ELAPOR1: variants seen among roughly 807,000 people sequenced by gnomAD.
ELAPOR1 encodes endosome/lysosome-associated apoptosis and autophagy regulator 1.
In ELAPOR1, 77 loss-of-function variants were observed where a neutral mutation model predicts 119.7. That is an observed-to-expected ratio of 0.64 (90% CI 0.54 to 0.78). The LOEUF is 0.78. Among genes scored for constraint, ELAPOR1 ranks in the 30% least tolerant of loss-of-function variants. The pLI is 0.00. For synonymous variants in ELAPOR1, 481 were observed against 487.2 expected, an observed-to-expected ratio of 0.99 and a Z score of 0.17; for missense variants, 1,115 against 1,270.4, an observed-to-expected ratio of 0.88 and a Z score of 1.86.
In ELAPOR1 at chr1:109,185,062, T is replaced by G; in HGVS notation, c.970T>G (p.Cys324Gly). 1.2e-6 allele frequency: 2 copies of G among 1,614,074 alleles called. No individual in the cohort carries two copies. Among genetic ancestry groups the G allele is most frequent in the Non-Finnish European group, 1.7e-6 (2 of 1,179,910 alleles). ...DKYSEKGSSS[C>G]NVRPACTDKD... is the part of the protein sequence containing the mutation. ...CAATTTAGAGAAAGGATCTTCTTCC[T>G]GTAACGTGCGCCCAGCTTGCACAGA... Residue 324 changes from cysteine (C) to glycine (G), a missense_variant, in exon 8 of 22, where the codon TGT becomes GGT. Physicochemically the swap from Cys to Gly is radical, Grantham distance 159. Transcript: ENST00000369939.
Position 109,198,791 on chromosome 1 carries a change from G to A in ELAPOR1, c.2501+117G>A, listed in dbSNP as rs545183500. 7.5e-6 allele frequency: 6 copies of A among 801,660 alleles called. No individual in the cohort carries two copies. The African/African-American group carries it at 8.6e-5, about 11-fold the overall frequency. 49.7% of individuals were successfully genotyped at this position (801,660 alleles called of 1,614,324 possible). A position where few individuals can be genotyped will look rare whatever the true frequency, so the allele number is the denominator to read the frequency against. ...AGAAAAGAGTTTGAGATCCATTAAT[G>A]GGTGCTTAGGGGCACAGTCATGGCC... On this transcript the variant is annotated intron_variant, in intron 18 of 21. Transcript: ENST00000369939.
intron 3 of ELAPOR1, among the ~76,000 whole-genome samples, chr1:109,166,041 G>A (rs941762400): frequency 5.3e-5 from 8 of 151,418 alleles, no homozygotes; most frequent in African/African-American, 1.7e-4. Flanking sequence ...TCAGCCTCCC[G>A]AGTAGCTGGG....
intron 21 of ELAPOR1, 38 bp downstream of exon 21, chr1:109,200,938 G>A: frequency 1.3e-6 from 2 of 1,593,488 alleles, no homozygotes; most frequent in Non-Finnish European, 1.7e-6. Flanking sequence ...TCAGCCTGGA[G>A]GGCTGGAGGA....
chr1:109,141,791 A>C (rs1420099191), intron 1 of ELAPOR1, among the ~76,000 whole-genome samples: 2 of 151,304 alleles, frequency 1.3e-5, no homozygotes, highest in East Asian at 1.9e-4. Context: ...TCAGCCTCCC[A>C]AGTAGCTGGG....
At chr1:109,182,082 A>G (rs1652734526) in intron 7 of ELAPOR1, among the ~76,000 whole-genome samples, 1 of 152,198 alleles carries the variant, frequency 6.6e-6, no homozygotes, top group Non-Finnish European at 1.5e-5. Flanking sequence ...CCATAATCCT[A>G]GCACTTTGGG....
At chr1:109,119,706 T>G (rs969775396) in intron 1 of ELAPOR1, among the ~76,000 whole-genome samples, 1 of 152,222 alleles carries the variant, frequency 6.6e-6, no homozygotes, top group Non-Finnish European at 1.5e-5. Context: ...TTCCACGATT[T>G]AAAAATTAGT....
At chr1:109,117,720 T>C (rs1648106898) in intron 1 of ELAPOR1, among the ~76,000 whole-genome samples, 1 of 152,188 alleles carries the variant, frequency 6.6e-6, no homozygotes, top group African/African-American at 2.4e-5. Context: ...TAATAAACGT[T>C]GGTAGGAAGA....
At position 109,171,896 on chromosome 1, in the gene ELAPOR1, C is replaced by T. The variant is rs766376821; in HGVS notation, c.498C>T (p.Ile166=). The T allele has an allele frequency of 9.9e-6, 16 of 1,614,234 alleles. No individual in the cohort carries two copies. Among genetic ancestry groups the T allele is most frequent in the South Asian group, 9.9e-5 (9 of 91,090 alleles). ...AGTGGGTTCCCCGGGGCGACTACAT[C>T]GCCTCCAACACGGACGAATGCACAG... ...SSKWVPRGDY[I]ASNTDECTAT... The change falls in exon 4 of 22, where the codon ATC becomes ATT. Residue 166 remains isoleucine (I), a synonymous_variant. Coordinates refer to ENST00000369939, the MANE Select transcript of ELAPOR1 (RefSeq NM_020775.5).
At chr1:109,174,986 A>T (rs1268140822) in intron 7 of ELAPOR1, among the ~76,000 whole-genome samples, 1 of 151,642 alleles carries the variant, frequency 6.6e-6, no homozygotes, top group Non-Finnish European at 1.5e-5. Flanking sequence ...AAGTGCTGGG[A>T]TTATAGGCAT....
chr1:109,178,011 C>CTTTTTT (rs61317397), intron 7 of ELAPOR1, among the ~76,000 whole-genome samples: 2 of 135,740 alleles, frequency 1.5e-5, no homozygotes, highest in African/African-American at 2.8e-5. Context: ...TTTTTTCTTT[C>CTTTTTT]TTTTTTTTTT....
In ELAPOR1 at chr1:109,189,711, A is replaced by T. The variant is rs763532699; in HGVS notation, c.1439+29A>T. The T allele has an allele frequency of 2.5e-6, 4 of 1,578,240 alleles. No homozygotes were observed. In the South Asian group the frequency reaches 4.4e-5, roughly 17 times the overall value. Reference sequence around the variant, plus strand: ...AGGAATCCAAAGCCCAGGGGAGTCCAGGCCAGCTTGGCCATATCCGAATCC... The same window carrying T: ...AGGAATCCAAAGCCCAGGGGAGTCCTGGCCAGCTTGGCCATATCCGAATCC... On this transcript the variant is annotated intron_variant, in intron 11 of 21. Transcript: ENST00000369939.
chr1:109,144,061 A>ATATATTTTTTTTTTTTTTTTTTT, intron 1 of ELAPOR1, among the ~76,000 whole-genome samples: 6 of 88,984 alleles, frequency 6.7e-5, no homozygotes, highest in African/African-American at 2.4e-4. Flanking sequence ...ATATTTATAT[A>ATATATTTTTTTTTTTTTTTTTTT]TTTTTTTTTT....
chr1:109,161,287 G>A (rs1196632901), intron 1 of ELAPOR1, among the ~76,000 whole-genome samples: 4 of 151,946 alleles, frequency 2.6e-5, no homozygotes, highest in Non-Finnish European at 4.4e-5. Context: ...GCACTCGCCT[G>A]TAGTCCCAGC....
chr1:109,192,791 C>A lies in ELAPOR1; in HGVS notation c.1864C>A (p.Pro622Thr). ...DRDSGTCHSC[P>T]TNTILKAHQP... ...AGATTCAGGAACCTGCCACTCCTGC[C>A]CCACTAACACAATTCTGAAAGCCCA... The change falls in exon 14 of 22, where the codon CCC (proline) becomes ACC (threonine). Residue 622 changes from proline (P) to threonine (T), a missense_variant. Pro to Thr is a conservative substitution (Grantham distance 38). Transcript: ENST00000369939. 1 of 1,614,066 alleles carries A rather than the reference C, an allele frequency of 6.2e-7. No homozygotes were observed. The highest frequency in any genetic ancestry group is 1.3e-5 in the African/African-American group (1 of 75,012).
chr1:109,154,281 CAAAAA>C lies in ELAPOR1; in HGVS notation c.154-7595_154-7591del, dbSNP rs745938875. On this transcript the variant is annotated intron_variant, in intron 1 of 21. Coordinates refer to ENST00000369939, the MANE Select transcript of ELAPOR1 (RefSeq NM_020775.5). ...GGGCAACAAGAGCGAAACTCCGTCT[CAAAAA>C]AAAAAAAAAAAAAAAAAGAAAAGGG... Among the ~76,000 whole-genome samples, 6 of 39,770 alleles carry C rather than the reference CAAAAA, an allele frequency of 1.5e-4. No homozygotes were observed. The East Asian group carries it at 2.6e-3, about 17-fold the overall frequency. 26.1% of individuals were successfully genotyped at this position (39,770 alleles called of 152,430 possible). A position where few individuals can be genotyped will look rare whatever the true frequency, so the allele number is the denominator to read the frequency against.
chr1:109,122,264 C>T (rs1356065217), intron 1 of ELAPOR1, among the ~76,000 whole-genome samples: 8 of 151,396 alleles, frequency 5.3e-5, no homozygotes, highest in Non-Finnish European at 8.8e-5. Context: ...GTGTTGAACT[C>T]CCAACCTCAA....
At chr1:109,169,821 T>C (rs1295362706) in intron 3 of ELAPOR1, among the ~76,000 whole-genome samples, 1 of 152,178 alleles carries the variant, frequency 6.6e-6, no homozygotes, top group Non-Finnish European at 1.5e-5. Context: ...CAGTAGCTGG[T>C]AAATGGGAGG....
rs981347905 is a variant in ELAPOR1, at chr1:109,145,625, C to T, written c.154-16269C>T. ...GAACCGAGATCGTGCCACTGCATTC[C>T]AACCTGGGCAACAGAGCAAGAGACT... On this transcript the variant is annotated intron_variant, in intron 1 of 21. Transcript: ENST00000369939. 1.8e-4 allele frequency among the ~76,000 whole-genome samples: 28 copies of T among 152,170 alleles called. 1 individual carries two copies. Among genetic ancestry groups the T allele is most frequent in the African/African-American group, 6.7e-4 (28 of 41,526 alleles).
intron 4 of ELAPOR1, 131 bp downstream of exon 4, chr1:109,172,144 T>A: frequency 8.6e-7 from 1 of 1,164,252 alleles, no homozygotes; most frequent in Non-Finnish European, 1.2e-6. Context: ...GAGAGAGCTG[T>A]GGGCAAAATG....
Sources: allele counts gnomAD v4.1 joint callset (sites outside exome capture counted in the v4.1 genomes callset), GRCh38; gene constraint gnomAD v4.1.1; transcripts MANE v1.5; gene names NCBI Gene and HGNC (gene_info 2026-07-23, HGNC 2026-07-21).